Variants in CCSER2 observed in about 807,000 individuals in gnomAD.
The protein encoded by CCSER2 is coiled-coil serine rich protein 2.
CCSER2 carries 46 observed loss-of-function variants against 92.3 expected under a neutral mutation model. That is an observed-to-expected ratio of 0.50 (90% confidence interval 0.39 to 0.64). The LOEUF (loss-of-function observed/expected upper bound fraction) is 0.64. Among genes scored for constraint, CCSER2 ranks in the 30% least tolerant of loss-of-function variants. The probability of loss-of-function intolerance (pLI) is 0.00; values close to 1 mark genes in which losing one functional copy is unlikely to be tolerated. For missense variants in CCSER2, 1,244 were observed against 1,238.9 expected (o/e 1.00, Z -0.06); for synonymous variants, 433 against 431.4 (o/e 1.00, Z -0.04).
At chr10:84,401,271 T>A (rs1019329605) in intron 3 of CCSER2, among the ~76,000 whole-genome samples, 1 of 152,074 alleles carries the variant, frequency 6.6e-6, no homozygotes, top group Non-Finnish European at 1.5e-5. Context: ...AATTGAAAGG[T>A]GGTCTTTGAA....
chr10:84,350,194 C>T (rs1459165767), intron 1 of CCSER2, among the ~76,000 whole-genome samples: 1 of 152,048 alleles, frequency 6.6e-6, no homozygotes, highest in Non-Finnish European at 1.5e-5. Context: ...GATCGCATCA[C>T]GCTCGTTTAT....
chr10:84,353,232 G>A (rs1469796668), intron 1 of CCSER2, among the ~76,000 whole-genome samples: 8 of 152,080 alleles, frequency 5.3e-5, no homozygotes, highest in Non-Finnish European at 4.4e-5. Flanking sequence ...CCACCCTCTG[G>A]TTGCATAGGA....
chr10:84,406,972 G>C (rs189733764), intron 3 of CCSER2, among the ~76,000 whole-genome samples: 58 of 152,192 alleles, frequency 3.8e-4, no homozygotes, highest in Non-Finnish European at 6.9e-4. Context: ...CTCAAAATCT[G>C]ATGTTAAACA....
At chr10:84,443,957 A>G (rs952238313) in intron 6 of CCSER2, among the ~76,000 whole-genome samples, 7 of 152,070 alleles carry the variant, frequency 4.6e-5, no homozygotes, top group Non-Finnish European at 7.4e-5. Flanking sequence ...ACACATGGAC[A>G]CAGGGAGGGG....
At chr10:84,457,629 TATTATATATA>T (rs1187614836) in intron 6 of CCSER2, among the ~76,000 whole-genome samples, 37 of 90,456 alleles carry the variant, frequency 4.1e-4, no homozygotes, top group South Asian at 9.8e-4. Context: ...TATATTTATA[TATTATATATA>T]ATTATATATA....
intron 9 of CCSER2, among the ~76,000 whole-genome samples, chr10:84,507,675 C>G (rs1410388860): frequency 6.6e-6 from 1 of 152,146 alleles, no homozygotes; most frequent in Non-Finnish European, 1.5e-5. Context: ...AACCCTAGAA[C>G]AAGAATGCTT....
rs528945623 is a variant in CCSER2 at position 84,394,054 on chromosome 10, A to G, written c.1614+20239A>G. 6.6e-5 allele frequency: 10 copies of G among 152,360 alleles called. No homozygotes were observed. The East Asian group carries it at 1.2e-3, about 18-fold the overall frequency. The allele number at this position is 152,360 out of a possible 1,614,324, so 9.4% of individuals were successfully genotyped here. A position where few individuals can be genotyped will look rare whatever the true frequency, so the allele number is the denominator to read the frequency against. The stretch of plus-strand genomic sequence containing the variant: ...TTATCAGTATAGATCTTTTTGTCCT[A>G]TTAATATAACTTTTAGGTGTGAAGA... On this transcript the variant is annotated intron_variant, in intron 3 of 9. Coordinates refer to ENST00000372088, the MANE Select transcript of CCSER2 (RefSeq NM_001284240.2).
rs140042746 is a variant in CCSER2 at position 84,368,029 on chromosome 10, T to G, written c.-39-2985T>G. 2.4e-3 allele frequency among the ~76,000 whole-genome samples: 367 copies of G among 152,252 alleles called. 1 individual carries two copies. The highest frequency in any genetic ancestry group is 8.4e-3 in the African/African-American group (351 of 41,554). Reference sequence around the variant, plus strand: ...TCATTTCATACTGCTGAGGGTACAGTACATGTCTATGGGCTTCAGATCCTT... The same window carrying G: ...TCATTTCATACTGCTGAGGGTACAGGACATGTCTATGGGCTTCAGATCCTT... On this transcript the variant is annotated intron_variant, in intron 1 of 9. Transcript: ENST00000372088.
In CCSER2 at chr10:84,371,994, T is replaced by C. The variant is rs1334674168; in HGVS notation, c.942T>C (p.Gly314=). 1 of 1,613,644 alleles carries C rather than the reference T, an allele frequency of 6.2e-7. No homozygotes were observed. Among genetic ancestry groups the C allele is most frequent in the South Asian group, 1.1e-5 (1 of 91,066 alleles). Residue 314 remains glycine, a synonymous_variant, in exon 2 of 10, where the codon GGT becomes GGC. Transcript: ENST00000372088. ...GCCCAGGTGTAACTTCTACTTTAGG[T>C]TATAGAATGGTTCATCCCTCTCTAC... ...PNGPGVTSTL[G]YRMVHPSLLK...
At chr10:84,428,643 A>T (rs1340946900) in intron 5 of CCSER2, among the ~76,000 whole-genome samples, 3 of 152,150 alleles carry the variant, frequency 2.0e-5, no homozygotes, top group African/African-American at 7.2e-5. Context: ...ACCTCTGTTG[A>T]GTAGAAGTGG....
At chr10:84,389,039 A>G (rs1841377431) in intron 3 of CCSER2, 1 of 253,060 alleles carries the variant, frequency 4.0e-6, no homozygotes, top group Non-Finnish European at 7.7e-6. Context: ...TAAAATTAAC[A>G]TGAATGCATT....
At chr10:84,396,359 T>C (rs1385705915) in intron 3 of CCSER2, among the ~76,000 whole-genome samples, 2 of 151,388 alleles carry the variant, frequency 1.3e-5, no homozygotes, top group Non-Finnish European at 1.5e-5. Context: ...ATGAAAAAGA[T>C]TTACTAACTT....
intron 4 of CCSER2, among the ~76,000 whole-genome samples, chr10:84,419,735 T>G (rs1321437433): frequency 6.6e-6 from 1 of 152,070 alleles, no homozygotes; most frequent in Non-Finnish European, 1.5e-5. Flanking sequence ...ACAAGGAAAA[T>G]GACAGAACCC....
intron 9 of CCSER2, among the ~76,000 whole-genome samples, chr10:84,489,323 A>G (rs934029079): frequency 2.6e-5 from 4 of 152,092 alleles, no homozygotes; most frequent in Non-Finnish European, 4.4e-5. Flanking sequence ...GATCTGTCTA[A>G]GGTTGACAGT....
At chr10:84,484,123 G>A (rs1361413518) in intron 9 of CCSER2, among the ~76,000 whole-genome samples, 8 of 150,584 alleles carry the variant, frequency 5.3e-5, no homozygotes, top group Admixed American at 2.0e-4. Context: ...ACAGGTGCCC[G>A]CCACTATGCT....
At chr10:84,414,980 T>A (rs947863989) in intron 3 of CCSER2, among the ~76,000 whole-genome samples, 5 of 152,236 alleles carry the variant, frequency 3.3e-5, no homozygotes, top group Admixed American at 3.3e-4. Context: ...TCTCATGTTA[T>A]GATTTTTAGC....
At chr10:84,510,642 G>T (rs1208587315) in intron 9 of CCSER2, among the ~76,000 whole-genome samples, 1 of 152,238 alleles carries the variant, frequency 6.6e-6, no homozygotes, top group Non-Finnish European at 1.5e-5. Flanking sequence ...AGCAGTGGAT[G>T]TGAGCAAGAT....
chr10:84,341,367 T>TTTTTTG (rs71013314), intron 1 of CCSER2, among the ~76,000 whole-genome samples: 5 of 147,862 alleles, frequency 3.4e-5, no homozygotes, highest in African/African-American at 1.3e-4. Context: ...TTTTTTTTTT[T>TTTTTTG]AGAGGCGGAG....
At position 84,391,290 on chromosome 10, in the gene CCSER2, A is replaced by C. The variant is rs1289352127; in HGVS notation, c.1614+17475A>C. 8 of 1,467,910 alleles carry C rather than the reference A, an allele frequency of 5.4e-6. No individual in the cohort carries two copies. In the African/African-American group the frequency reaches 1.1e-4, roughly 20 times the overall value. The allele number at this position is 1,467,910 out of a possible 1,614,324, so 90.9% of individuals were successfully genotyped here. A position where few individuals can be genotyped will look rare whatever the true frequency, so the allele number is the denominator to read the frequency against. ...GATCAATATGAAGCTCCAGATAAAG[A>C]TTTTATGTTAGTGTCTCTTGATTTA... On this transcript the variant is annotated intron_variant, in intron 3 of 9. Transcript: ENST00000372088.
Sources: gnomAD v4.1 joint callset for allele counts (sites outside exome capture counted in the v4.1 genomes callset) on GRCh38, gnomAD v4.1.1 for gene constraint, MANE v1.5 for transcripts, NCBI Gene and HGNC (gene_info 2026-07-23, HGNC 2026-07-21) for gene names.